Variants in TRDMT1 observed in about 807,000 individuals in gnomAD.
TRDMT1 encodes the protein tRNA (cytosine(38)-C(5))-methyltransferase.
A neutral mutation model predicts 51.2 loss-of-function variants in TRDMT1; 49 were observed. That is an observed-to-expected ratio of 0.96 (90% confidence interval 0.76 to 1.21). The LOEUF is 1.21. Ranked by LOEUF, TRDMT1 falls within the 50% of genes most tolerant of loss-of-function variation. The pLI, the probability that TRDMT1 is intolerant of heterozygous loss-of-function variation, is 0.00. For missense variants in TRDMT1, 534 were observed against 462.3 expected (o/e 1.16, Z -1.42); for synonymous variants, 187 against 164.6 (o/e 1.14, Z -1.04).
At chr10:17,172,978 AAGAT>A (rs1234823371) in intron 2 of TRDMT1, among the ~76,000 whole-genome samples, 1 of 152,178 alleles carries the variant, frequency 6.6e-6, no homozygotes, top group Non-Finnish European at 1.5e-5. Context: ...AAATAAAACA[AAGAT>A]AGATATAGAT....
intron 10 of TRDMT1, among the ~76,000 whole-genome samples, chr10:17,150,086 A>C (rs904323734): frequency 2.0e-5 from 3 of 152,260 alleles, no homozygotes; most frequent in South Asian, 2.1e-4. Context: ...GCACCATTTC[A>C]CATTCACACA....
Position 17,140,220 on chromosome 10 carries a change from T to G in TRDMT1, c.*8820A>C, listed in dbSNP as rs574238980. Among the ~76,000 whole-genome samples the G allele has an allele frequency of 1.5e-4, 22 of 150,628 alleles. No homozygotes were observed. The highest frequency in any genetic ancestry group is 5.4e-4 in the African/African-American group (22 of 40,964). ...CATGCCACCACATCCAGCTATTTTT[T>G]TTTTTTTTTTGTACCTTTAGTAGAG... On this transcript the variant is annotated 3_prime_UTR_variant, in exon 11 of 11. Transcript: ENST00000377799.
At position 17,141,372 on chromosome 10, in the gene TRDMT1, G is replaced by A. The variant is rs1837672879; in HGVS notation, c.*7668C>T. Reference sequence around the variant, plus strand: ...AGACGGGGTTTCACCATGTTGGAAAGGATGGTCTCTATCTCCTGACCTTAT... The same window carrying A: ...AGACGGGGTTTCACCATGTTGGAAAAGATGGTCTCTATCTCCTGACCTTAT... On this transcript the variant is annotated 3_prime_UTR_variant, in exon 11 of 11. Transcript: ENST00000377799. Among the ~76,000 whole-genome samples the A allele has an allele frequency of 6.6e-6, 1 of 152,096 alleles. No individual in the cohort carries two copies. The highest frequency in any genetic ancestry group is 2.1e-4 in the South Asian group (1 of 4,830).
At chr10:17,164,311 C>T (rs1248484050) in intron 3 of TRDMT1, among the ~76,000 whole-genome samples, 3 of 152,062 alleles carry the variant, frequency 2.0e-5, no homozygotes, top group South Asian at 2.1e-4. Flanking sequence ...TTTGACAAAA[C>T]TCAACAACCC....
chr10:17,178,047 C>A (rs2131540783), intron 1 of TRDMT1, among the ~76,000 whole-genome samples: 1 of 152,272 alleles, frequency 6.6e-6, no homozygotes, highest in Non-Finnish European at 1.5e-5. Context: ...AAAATTAAGG[C>A]ATAACCAGTC....
chr10:17,149,657 C>T (rs559419157), intron 10 of TRDMT1, among the ~76,000 whole-genome samples: 172 of 152,188 alleles, frequency 1.1e-3, no homozygotes, highest in African/African-American at 3.8e-3. Context: ...TACTACCTCC[C>T]GGCCCCCAAC....
In TRDMT1 at chr10:17,145,233, C is replaced by T. The variant is rs953674935; in HGVS notation, c.*3807G>A. The T allele has an allele frequency of 3.4e-5, 24 of 704,986 alleles. No homozygotes were observed. The highest frequency in any genetic ancestry group is 2.6e-4 in the East Asian group (2 of 7,706). 43.7% of individuals were successfully genotyped at this position (704,986 alleles called of 1,614,324 possible). A position where few individuals can be genotyped will look rare whatever the true frequency, so the allele number is the denominator to read the frequency against. On this transcript the variant is annotated 3_prime_UTR_variant, in exon 11 of 11. Transcript: ENST00000377799. ...CTGCACTCCAGCCTAGGCAACAGAG[C>T]GAGACTCAGTCTCAAAAACAAAACA...
At chr10:17,159,292 C>T in intron 6 of TRDMT1, 63 bp from the exon 7 acceptor site, 1 of 1,217,260 alleles carries the variant, frequency 8.2e-7, no homozygotes, top group Non-Finnish European at 1.2e-6. Flanking sequence ...CCAACTTTAG[C>T]ACCAAGTTAA....
intron 10 of TRDMT1, among the ~76,000 whole-genome samples, chr10:17,152,630 G>C (rs1225453193): frequency 6.6e-6 from 1 of 152,170 alleles, no homozygotes; most frequent in Non-Finnish European, 1.5e-5. Context: ...CAGCCCATCA[G>C]CCAGGTACTG....
At position 17,139,066 on chromosome 10, in the gene TRDMT1, C is replaced by T. The variant is rs1370446503; in HGVS notation, c.*9974G>A. 3.3e-6 allele frequency: 2 copies of T among 608,810 alleles called. No individual in the cohort carries two copies. The highest frequency in any genetic ancestry group is 4.1e-6 in the Non-Finnish European group (2 of 486,020). The allele number at this position is 608,810 out of a possible 1,614,324, so 37.7% of individuals were successfully genotyped here. A position where few individuals can be genotyped will look rare whatever the true frequency, so the allele number is the denominator to read the frequency against. ...CTAGTAAAAAAATCAACAGAGCTTT[C>T]TCTACCTCCAACAGCTCCCGGAATG... On this transcript the variant is annotated 3_prime_UTR_variant, in exon 11 of 11. Coordinates refer to ENST00000377799, the MANE Select transcript of TRDMT1 (RefSeq NM_004412.7).
At chr10:17,194,949 C>CAATAAAAAAAAAAAAAAAAAAAAAAAA (rs1845196732) in intron 1 of TRDMT1, among the ~76,000 whole-genome samples, 1 of 85,286 alleles carries the variant, frequency 1.2e-5, no homozygotes. Context: ...AAAAAAAAGT[C>CAATAAAAAAAAAAAAAAAAAAAAAAAA]AAAAAAAAAA....
At position 17,197,119 on chromosome 10, in the gene TRDMT1, A is replaced by G. The variant is rs539754977; in HGVS notation, c.64+4452T>C. 2.0e-5 allele frequency among the ~76,000 whole-genome samples: 3 copies of G among 152,096 alleles called. No individual in the cohort carries two copies. In the South Asian group the frequency reaches 6.2e-4, roughly 32 times the overall value. On this transcript the variant is annotated intron_variant, in intron 1 of 10. Transcript: ENST00000377799. ...ATTCTGTGAGTTTCCAAATGTTTTTAATTTTTTTTTTCCTGATTATGTTAG... is the reference window on the plus strand; with the variant it reads ...ATTCTGTGAGTTTCCAAATGTTTTTGATTTTTTTTTTCCTGATTATGTTAG...
At chr10:17,165,149 A>C (rs1841001577) in intron 3 of TRDMT1, among the ~76,000 whole-genome samples, 1 of 152,240 alleles carries the variant, frequency 6.6e-6, no homozygotes, top group Non-Finnish European at 1.5e-5. Flanking sequence ...CCAAAACAGC[A>C]TGGTACTGGT....
At chr10:17,180,672 A>C (rs1843178533) in intron 1 of TRDMT1, among the ~76,000 whole-genome samples, 1 of 152,206 alleles carries the variant, frequency 6.6e-6, no homozygotes, top group Non-Finnish European at 1.5e-5. Context: ...TAGGAGAGAA[A>C]CTAGTATTTC....
Position 17,147,201 on chromosome 10 carries a change from G to C in TRDMT1, c.*1839C>G. On this transcript the variant is annotated 3_prime_UTR_variant, in exon 11 of 11. Coordinates refer to ENST00000377799, the MANE Select transcript of TRDMT1 (RefSeq NM_004412.7). The stretch of plus-strand genomic sequence containing the variant: ...TTTCAGCAGTGAACAGAACCTACAT[G>C]AAAGTGTGCCAAAATAATTTGTGAT... 1 of 985,784 alleles carries C rather than the reference G, an allele frequency of 1.0e-6. No individual in the cohort carries two copies. The highest frequency in any genetic ancestry group is 1.2e-6 in the Non-Finnish European group (1 of 829,916). The allele number at this position is 985,784 out of a possible 1,614,324, so 61.1% of individuals were successfully genotyped here.
chr10:17,161,598 AAAAAGT>A, intron 4 of TRDMT1, 50 bp from the exon 5 acceptor site: 1 of 954,490 alleles, frequency 1.0e-6, no homozygotes, highest in South Asian at 2.1e-5. Context: ...TACTAAGAAG[AAAAAGT>A]AAAGAAAATC....
chr10:17,151,235 T>C (rs1328356284), intron 10 of TRDMT1: 4 of 929,100 alleles, frequency 4.3e-6, no homozygotes, highest in Non-Finnish European at 3.9e-6. Context: ...CATAATTTTT[T>C]AAGTTAAAAG....
At chr10:17,176,195 GAAA>G (rs1842598159) in intron 1 of TRDMT1, among the ~76,000 whole-genome samples, 1 of 152,168 alleles carries the variant, frequency 6.6e-6, no homozygotes. Context: ...TAAGAGAGCT[GAAA>G]ATTAAATAAA....
chr10:17,156,775 C>A (rs1839579965), intron 8 of TRDMT1, among the ~76,000 whole-genome samples: 1 of 151,978 alleles, frequency 6.6e-6, no homozygotes, highest in African/African-American at 2.4e-5. Context: ...TATATAATAT[C>A]CTGCCATTTA....
Sources: allele counts gnomAD v4.1 joint callset (sites outside exome capture counted in the v4.1 genomes callset), GRCh38; gene constraint gnomAD v4.1.1; transcripts MANE v1.5; gene names NCBI Gene and HGNC (gene_info 2026-07-23, HGNC 2026-07-21).